Variants in NTAQ1 observed in about 807,000 individuals in gnomAD.
The protein encoded by NTAQ1 is N-terminal glutamine amidase 1.
NTAQ1 carries 21 observed loss-of-function variants against 28.2 expected under a neutral mutation model. The ratio of observed to expected loss-of-function variants is 0.74; its 90% CI spans 0.53 to 1.07. NTAQ1 has a LOEUF of 1.07. NTAQ1 is among the 50% of genes least tolerant of loss of function. NTAQ1 has a pLI of 0.00. For missense variants in NTAQ1, 264 were observed against 256.6 expected, an observed-to-expected ratio of 1.03 and a Z score of -0.20; for synonymous variants, 105 against 90.0, an observed-to-expected ratio of 1.17 and a Z score of -0.94.
Position 123,427,923 on chromosome 8 carries a change from G to A in NTAQ1, c.84-1G>A, listed in dbSNP as rs562227999. The stretch of plus-strand genomic sequence containing the variant: ...TTGATTAAACAATTATTTTATTTCA[G>A]TGAAGAAAATATTTGGAAGCTCTGT... On this transcript the variant is annotated splice_acceptor_variant, in intron 1 of 5. Coordinates refer to ENST00000287387, the MANE Select transcript of NTAQ1 (RefSeq NM_018024.3). LOFTEE classifies it high-confidence loss of function. 9.5e-6 allele frequency: 15 copies of A among 1,584,674 alleles called. No individual in the cohort carries two copies. Among genetic ancestry groups the A allele is most frequent in the African/African-American group, 1.4e-5 (1 of 73,738 alleles).
At chr8:123,420,821 T>C (rs1390567721) in intron 1 of NTAQ1, among the ~76,000 whole-genome samples, 1 of 152,030 alleles carries the variant, frequency 6.6e-6, no homozygotes, top group Admixed American at 6.6e-5. Flanking sequence ...GACGGATTCT[T>C]ACTCTGTCAC....
intron 6 of NTAQ1, among the ~76,000 whole-genome samples, chr8:123,460,922 A>G (rs1563907361): frequency 1.3e-5 from 2 of 152,218 alleles, no homozygotes; most frequent in South Asian, 2.1e-4. Flanking sequence ...TCTGACTTCT[A>G]CATTCAGGCA....
intron 6 of NTAQ1, among the ~76,000 whole-genome samples, chr8:123,447,749 A>C (rs1324116101): frequency 1.3e-5 from 2 of 152,202 alleles, no homozygotes; most frequent in Non-Finnish European, 2.9e-5. Context: ...ATATAATTTC[A>C]TATAAAAATA....
intron 6 of NTAQ1, among the ~76,000 whole-genome samples, chr8:123,456,203 T>C (rs1815646489): frequency 6.6e-6 from 1 of 152,236 alleles, no homozygotes; most frequent in Non-Finnish European, 1.5e-5. Flanking sequence ...GTTGTATTTC[T>C]GGATAAACCC....
At chr8:123,439,626 G>A (rs1814927553) in intron 5 of NTAQ1, among the ~76,000 whole-genome samples, 1 of 151,960 alleles carries the variant, frequency 6.6e-6, no homozygotes. Context: ...GATTACAGGC[G>A]TGAGCCACCG....
At chr8:123,473,982 A>G (rs1361195125), downstream of NTAQ1, among the ~76,000 whole-genome samples, 1 of 152,216 alleles carries the variant, frequency 6.6e-6, no homozygotes, top group African/African-American at 2.4e-5. Flanking sequence ...TGAGTTATAC[A>G]TATTTGACTT....
At chr8:123,449,381 T>C (rs913773378), downstream of NTAQ1, among the ~76,000 whole-genome samples, 1 of 152,154 alleles carries the variant, frequency 6.6e-6, no homozygotes, top group Non-Finnish European at 1.5e-5. Flanking sequence ...AATTAACAGC[T>C]TGATGATTTG....
chr8:123,440,850 A>T (rs1380821088), intron 5 of NTAQ1, among the ~76,000 whole-genome samples: 2 of 151,754 alleles, frequency 1.3e-5, no homozygotes, highest in Admixed American at 1.3e-4. Context: ...CTCTGACATG[A>T]CCCTTCTGAG....
chr8:123,428,866 T>G (rs1187645175), intron 2 of NTAQ1, among the ~76,000 whole-genome samples: 1 of 152,152 alleles, frequency 6.6e-6, no homozygotes, highest in Non-Finnish European at 1.5e-5. Context: ...CCTCCCAATG[T>G]GGTGGGATTA....
chr8:123,454,836 G>A lies in NTAQ1; in HGVS notation c.373-12243G>A, dbSNP rs1186304562. On this transcript the variant is annotated intron_variant, in intron 6 of 6. Transcript: ENST00000650311. The stretch of plus-strand genomic sequence containing the variant: ...CCACGGTAAGATCAGAGCATCTGGG[G>A]GGTACCAGCATATGGACCCATTTCT... 7.9e-5 allele frequency: 12 copies of A among 152,238 alleles called. No homozygotes were observed. The East Asian group carries it at 2.3e-3, about 29-fold the overall frequency. The allele number at this position is 152,238 out of a possible 1,614,324, so 9.4% of individuals were successfully genotyped here.
chr8:123,423,136 T>C (rs953974343), intron 1 of NTAQ1, among the ~76,000 whole-genome samples: 4 of 152,094 alleles, frequency 2.6e-5, no homozygotes, highest in African/African-American at 4.8e-5. Context: ...TTGGGCTCTT[T>C]TTTGGTGCAT....
At chr8:123,442,470 C>T (rs930096932), downstream of NTAQ1, among the ~76,000 whole-genome samples, 3 of 151,126 alleles carry the variant, frequency 2.0e-5, no homozygotes, top group African/African-American at 4.9e-5. Flanking sequence ...TGGTGGCGGG[C>T]GCCTGTAATG....
rs147547963 is a variant in NTAQ1 at position 123,420,813 on chromosome 8, C to T, written c.83+3881C>T. ...TATTTATTTATTTATTTATTTAAGACGGATTCTTACTCTGTCACCAGGCTG... is the reference window on the plus strand; with the variant it reads ...TATTTATTTATTTATTTATTTAAGATGGATTCTTACTCTGTCACCAGGCTG... On this transcript the variant is annotated intron_variant, in intron 1 of 5. Transcript: ENST00000287387. Among the ~76,000 whole-genome samples, 27 of 150,802 alleles carry T rather than the reference C, an allele frequency of 1.8e-4. 1 individual carries two copies. In the East Asian group the frequency reaches 2.3e-3, roughly 13 times the overall value.
chr8:123,430,053 G>C lies in NTAQ1; in HGVS notation c.234+20G>C. The C allele has an allele frequency of 6.2e-7, 1 of 1,604,582 alleles. No individual in the cohort carries two copies. Among genetic ancestry groups the C allele is most frequent in the Non-Finnish European group, 8.5e-7 (1 of 1,172,704 alleles). On this transcript the variant is annotated intron_variant, in intron 3 of 5. Coordinates refer to ENST00000287387, the MANE Select transcript of NTAQ1 (RefSeq NM_018024.3). The stretch of plus-strand genomic sequence containing the variant: ...ATCTGGGTAAGACAGTTAATACAGA[G>C]AGTATTGACGCATTATGACTTGTAA...
chr8:123,475,291 A>G, the NTAQ1 span, among the ~76,000 whole-genome samples: 1 of 152,108 alleles, frequency 6.6e-6, no homozygotes. Context: ...ATCTAGGCTC[A>G]TCTTGTACTT....
chr8:123,474,590 T>C (rs573465916), downstream of NTAQ1, among the ~76,000 whole-genome samples: 2 of 152,280 alleles, frequency 1.3e-5, no homozygotes, highest in East Asian at 3.9e-4. Flanking sequence ...CTAACAGATA[T>C]CTTGGGGAAA....
At chr8:123,448,641 G>C (rs922839115), downstream of NTAQ1, among the ~76,000 whole-genome samples, 3 of 152,152 alleles carry the variant, frequency 2.0e-5, no homozygotes, top group Non-Finnish European at 2.9e-5. Flanking sequence ...AAGAATTTGT[G>C]GTGTAAGCCT....
chr8:123,432,171 C>G (rs1436665495), intron 3 of NTAQ1, among the ~76,000 whole-genome samples: 1 of 152,176 alleles, frequency 6.6e-6, no homozygotes, highest in African/African-American at 2.4e-5. Flanking sequence ...AACACTAAAT[C>G]CTGAACCCCT....
chr8:123,466,943 T>A (rs2130439946), intron 6 of NTAQ1: 1 of 152,314 alleles, frequency 6.6e-6, no homozygotes, highest in South Asian at 2.1e-4. Flanking sequence ...GTTCTTTTTT[T>A]AATAGTATAA....
Sources: allele counts gnomAD v4.1 joint callset (sites outside exome capture counted in the v4.1 genomes callset), GRCh38; gene constraint gnomAD v4.1.1; transcripts MANE v1.5; gene names NCBI Gene and HGNC (gene_info 2026-07-23, HGNC 2026-07-21).